Variants in CEP63 observed in about 807,000 individuals in gnomAD.
CEP63 encodes the protein centrosomal protein 63.
A neutral mutation model predicts 89.1 loss-of-function variants in CEP63; 84 were observed. That is an observed-to-expected ratio of 0.94 (90% confidence interval 0.79 to 1.13). CEP63 has a LOEUF of 1.13. CEP63 is among the 50% of genes most tolerant of loss of function. The probability of loss-of-function intolerance (pLI) is 0.00; values close to 1 mark genes in which losing one functional copy is unlikely to be tolerated. For missense variants in CEP63, 838 were observed against 813.3 expected, an observed-to-expected ratio of 1.03 and a Z score of -0.37; for synonymous variants, 267 against 272.5, an observed-to-expected ratio of 0.98 and a Z score of 0.20.
At chr3:134,522,381 A>T (rs1370710510) in intron 3 of CEP63, among the ~76,000 whole-genome samples, 2 of 152,118 alleles carry the variant, frequency 1.3e-5, no homozygotes, top group African/African-American at 2.4e-5. Context: ...TTCACAAGGG[A>T]TATAGGTGAT....
chr3:134,611,154 G>T, the CEP63 span, among the ~76,000 whole-genome samples: 2 of 152,236 alleles, frequency 1.3e-5, no homozygotes, highest in Non-Finnish European at 2.9e-5. Context: ...CTGTCCTGAG[G>T]GGAATGGAAA....
intron 1 of CEP63, chr3:134,486,687 A>G: frequency 3.3e-6 from 1 of 304,810 alleles, no homozygotes; most frequent in Non-Finnish European, 4.8e-6. Context: ...TACTTCATTC[A>G]CGGCACAAGG....
At chr3:134,761,823 G>T in the CEP63 span, among the ~76,000 whole-genome samples, 1 of 152,142 alleles carries the variant, frequency 6.6e-6, no homozygotes, top group African/African-American at 2.4e-5. Flanking sequence ...AAGTGGATAG[G>T]CTGCTGGGGA....
At chr3:134,548,048 T>C (rs1485506551) in intron 9 of CEP63, among the ~76,000 whole-genome samples, 1 of 152,230 alleles carries the variant, frequency 6.6e-6, no homozygotes, top group Non-Finnish European at 1.5e-5. Flanking sequence ...GTCCTTTTTC[T>C]GTAGTTATAT....
chr3:134,670,780 A>G, the CEP63 span, among the ~76,000 whole-genome samples: 3 of 152,348 alleles, frequency 2.0e-5, no homozygotes, highest in South Asian at 6.2e-4. Context: ...GGAAATGTCT[A>G]TGGCAGGAGG....
Position 134,541,658 on chromosome 3 carries a change from C to T in CEP63, c.556-3928C>T, listed in dbSNP as rs549404066. Among the ~76,000 whole-genome samples the T allele has an allele frequency of 1.6e-3, 248 of 151,776 alleles. 3 individuals carry two copies. The highest frequency in any genetic ancestry group is 3.7e-3 in the Admixed American group (56 of 15,236). On this transcript the variant is annotated intron_variant, in intron 6 of 14. Coordinates refer to ENST00000675561, the MANE Select transcript of CEP63 (RefSeq NM_001353108.3). ...CATCCCAAGTAGCTAGGATTACAGGCGTGCACCACCATGCCCAACTGATTT... is the reference window on the plus strand; with the variant it reads ...CATCCCAAGTAGCTAGGATTACAGGTGTGCACCACCATGCCCAACTGATTT...
the CEP63 span, among the ~76,000 whole-genome samples, chr3:134,753,922 TGTGA>T: frequency 6.6e-6 from 1 of 152,146 alleles, no homozygotes; most frequent in Non-Finnish European, 1.5e-5. Context: ...GTGTGCATCT[TGTGA>T]GTATCTGTGA....
the CEP63 span, among the ~76,000 whole-genome samples, chr3:134,749,704 T>TAAAAAA: frequency 3.8e-4 from 1 of 2,604 alleles, no homozygotes; most frequent in Non-Finnish European, 1.2e-3. Flanking sequence ...CAGGGGTTGT[T>TAAAAAA]CAAAAAAAAA....
intron 3 of CEP63, among the ~76,000 whole-genome samples, chr3:134,527,831 T>C (rs911544391): frequency 6.6e-6 from 1 of 152,174 alleles, no homozygotes; most frequent in African/African-American, 2.4e-5. Flanking sequence ...GGTGGTCAGA[T>C]GAGACCGGCC....
intron 14 of CEP63, 84 bp downstream of exon 14, chr3:134,559,513 T>A: frequency 8.6e-7 from 1 of 1,158,466 alleles, no homozygotes. Context: ...GAAGGTGATT[T>A]TTTTTTCCTT....
At chr3:134,781,123 TATA>T in the CEP63 span, among the ~76,000 whole-genome samples, 3 of 152,228 alleles carry the variant, frequency 2.0e-5, no homozygotes, top group Non-Finnish European at 4.4e-5. Flanking sequence ...ATGGTAGCTT[TATA>T]ATAAGTTTTG....
chr3:134,494,931 T>C (rs949331395), intron 1 of CEP63, among the ~76,000 whole-genome samples: 2 of 152,222 alleles, frequency 1.3e-5, no homozygotes, highest in African/African-American at 2.4e-5. Context: ...CTCTGACATG[T>C]GTGAACCCAT....
the CEP63 span, among the ~76,000 whole-genome samples, chr3:134,674,095 G>A: frequency 6.6e-6 from 1 of 152,202 alleles, no homozygotes; most frequent in Non-Finnish European, 1.5e-5. Context: ...CTGACTTTTA[G>A]TGTACTGTTG....
At chr3:134,781,847 T>G in the CEP63 span, among the ~76,000 whole-genome samples, 9,934 of 152,248 alleles carry the variant, frequency 0.065, 380 homozygotes, top group African/African-American at 0.11. Flanking sequence ...TAATGTAGCT[T>G]TCTTTCTTTC....
At position 134,558,193 on chromosome 3, in the gene CEP63, A is replaced by G; in HGVS notation, c.1519A>G (p.Asn507Asp). 1 of 1,613,832 alleles carries G rather than the reference A, an allele frequency of 6.2e-7. No individual in the cohort carries two copies. Among genetic ancestry groups the G allele is most frequent in the Middle Eastern group, 1.7e-4 (1 of 6,060 alleles). ...CCAGGAGAATTATATTGAGGCATTA[A>G]ATAAATTAGTGTCTGAAAATCAACA... ...DLQENYIEAL[N>D]KLVSENQQLQ... The change falls in exon 13 of 15, where the codon AAT becomes GAT. Residue 507 changes from asparagine (N) to aspartate (D), a missense_variant. Transcript: ENST00000675561.
At chr3:134,740,492 G>A in the CEP63 span, among the ~76,000 whole-genome samples, 3 of 151,818 alleles carry the variant, frequency 2.0e-5, no homozygotes, top group African/African-American at 7.3e-5. Flanking sequence ...AGAGATGGGG[G>A]TTCACCGTGT....
At chr3:134,622,274 G>A in the CEP63 span, among the ~76,000 whole-genome samples, 5 of 152,154 alleles carry the variant, frequency 3.3e-5, no homozygotes, top group Non-Finnish European at 7.3e-5. Flanking sequence ...AATGTTCATT[G>A]CAGCACTATC....
At chr3:134,546,643 T>C (rs960037320) in intron 8 of CEP63, among the ~76,000 whole-genome samples, 2 of 152,170 alleles carry the variant, frequency 1.3e-5, no homozygotes, top group African/African-American at 4.8e-5. Flanking sequence ...AGGTGTGAGC[T>C]GCCACGCCCA....
At chr3:134,560,054 A>G (rs2110143419) in intron 14 of CEP63, among the ~76,000 whole-genome samples, 1 of 152,356 alleles carries the variant, frequency 6.6e-6, no homozygotes, top group South Asian at 2.1e-4. Flanking sequence ...TGACTTATTA[A>G]TGTGCTACCA....
Sources: gnomAD v4.1 joint callset for allele counts (sites outside exome capture counted in the v4.1 genomes callset) on GRCh38, gnomAD v4.1.1 for gene constraint, MANE v1.5 for transcripts, NCBI Gene and HGNC (gene_info 2026-07-23, HGNC 2026-07-21) for gene names.